The following NCALD variants were observed in gnomAD, a reference collection of about 807,000 sequenced individuals.
The protein encoded by NCALD is neurocalcin-delta.
In NCALD, 10 loss-of-function variants were observed where a neutral mutation model predicts 18.6. That is an observed-to-expected ratio of 0.54 (90% CI 0.33 to 0.91). NCALD has a LOEUF of 0.91. NCALD is among the 40% of genes least tolerant of loss of function. NCALD has a pLI of 0.03. For synonymous variants in NCALD, 88 were observed against 87.4 expected, an observed-to-expected ratio of 1.01 and a Z score of -0.04; for missense variants, 184 against 247.6, an observed-to-expected ratio of 0.74 and a Z score of 1.72.
intron 4 of NCALD, among the ~76,000 whole-genome samples, chr8:101,870,247 T>C (rs1477595762): frequency 1.3e-5 from 2 of 152,166 alleles, no homozygotes; most frequent in African/African-American, 4.8e-5. Context: ...AAAAATGACT[T>C]TTTTCCTTAC....
intron 2 of NCALD, among the ~76,000 whole-genome samples, chr8:102,007,252 T>C (rs1379669653): frequency 5.3e-5 from 8 of 152,260 alleles, no homozygotes; most frequent in African/African-American, 1.9e-4. Context: ...TTATTTGGTC[T>C]ATAAGAAGTT....
At position 101,719,602 on chromosome 8, in the gene NCALD, G is replaced by C; in HGVS notation, c.28C>G (p.Pro10Ala). The change falls in exon 2 of 4, where the codon CCG becomes GCG. Residue 10 changes from proline (P) to alanine (A), a missense_variant. Physicochemically the swap from Pro to Ala is conservative, Grantham distance 27. Coordinates refer to ENST00000220931, the MANE Select transcript of NCALD (RefSeq NM_032041.3). Reference sequence around the variant, plus strand: ...TCCAGCAAGTCCTGCATGACCTCCGGGCGCAGCTTGCTGTTCTGTTTCCCC... The same window carrying C: ...TCCAGCAAGTCCTGCATGACCTCCGCGCGCAGCTTGCTGTTCTGTTTCCCC... MGKQNSKLR[P>A]EVMQDLLEST... The C allele has an allele frequency of 1.9e-6, 3 of 1,597,574 alleles. No individual in the cohort carries two copies. Among genetic ancestry groups the C allele is most frequent in the Middle Eastern group, 1.7e-4 (1 of 5,952 alleles).
At chr8:101,810,927 T>C (rs1813282037) in intron 4 of NCALD, among the ~76,000 whole-genome samples, 1 of 152,196 alleles carries the variant, frequency 6.6e-6, no homozygotes, top group South Asian at 2.1e-4. Context: ...ATTTAAAGCA[T>C]AACTATCCGC....
chr8:101,732,632 C>G (rs1816892161), intron 1 of NCALD, among the ~76,000 whole-genome samples: 1 of 101,440 alleles, frequency 9.9e-6, no homozygotes, highest in African/African-American at 3.7e-5. Flanking sequence ...GAGACAGGGT[C>G]TTGCTCTGTC....
intron 1 of NCALD, among the ~76,000 whole-genome samples, chr8:101,739,610 C>A (rs1397018244): frequency 6.6e-6 from 1 of 151,928 alleles, no homozygotes; most frequent in Non-Finnish European, 1.5e-5. Context: ...GATGAGTCTT[C>A]CGGCTTCCAT....
At chr8:102,066,096 C>T (rs1333846259) in intron 1 of NCALD, among the ~76,000 whole-genome samples, 1 of 152,206 alleles carries the variant, frequency 6.6e-6, no homozygotes, top group African/African-American at 2.4e-5. Flanking sequence ...TTCTTCATTC[C>T]CCACTTCCCC....
In NCALD at chr8:101,902,721, CA is replaced by C. The variant is rs1490139343; in HGVS notation, c.-107+13087del. On this transcript the variant is annotated intron_variant, in intron 3 of 6. Transcript: ENST00000311028. ...GCTCCCTCAAATCCCGGACTGATGC[CA>C]TGGCTTTTTTTACTTTTCTCTCCCC... 2.0e-5 allele frequency among the ~76,000 whole-genome samples: 3 copies of C among 152,320 alleles called. No homozygotes were observed. The East Asian group carries it at 5.8e-4, about 29-fold the overall frequency.
chr8:101,755,535 C>T (rs957755623), intron 1 of NCALD, among the ~76,000 whole-genome samples: 7 of 152,188 alleles, frequency 4.6e-5, no homozygotes, highest in Non-Finnish European at 8.8e-5. Context: ...CTCCACCATT[C>T]ACCCTATCTT....
At chr8:101,848,609 A>T (rs954132147) in intron 4 of NCALD, among the ~76,000 whole-genome samples, 8 of 152,150 alleles carry the variant, frequency 5.3e-5, no homozygotes, top group Non-Finnish European at 7.3e-5. Context: ...TGGTCCTAAG[A>T]TTTTTAATGT....
At position 102,086,316 on chromosome 8, in the gene NCALD, G is replaced by A. The variant is rs368879978; in HGVS notation, c.-210+37921C>T. On this transcript the variant is annotated intron_variant, in intron 1 of 6. Coordinates refer to the NCALD transcript ENST00000311028. ...ACCAGGACAAAAATATCACAATCCAGGTCTGGTGATGTTGGGGTTATTTTG... is the reference window on the plus strand; with the variant it reads ...ACCAGGACAAAAATATCACAATCCAAGTCTGGTGATGTTGGGGTTATTTTG... Among the ~76,000 whole-genome samples, 5 of 152,208 alleles carry A rather than the reference G, an allele frequency of 3.3e-5. No individual in the cohort carries two copies. In the South Asian group the frequency reaches 1.0e-3, roughly 32 times the overall value.
chr8:102,014,368 C>G (rs1209281509), intron 2 of NCALD, among the ~76,000 whole-genome samples: 2 of 152,088 alleles, frequency 1.3e-5, no homozygotes, highest in African/African-American at 4.8e-5. Flanking sequence ...TCATGAGGGC[C>G]CCACTTTCAT....
intron 2 of NCALD, among the ~76,000 whole-genome samples, chr8:101,927,542 A>G (rs1182473105): frequency 6.6e-6 from 1 of 152,170 alleles, no homozygotes. Flanking sequence ...GAGCAATCTA[A>G]GCAGAGGGAA....
intron 1 of NCALD, among the ~76,000 whole-genome samples, chr8:102,040,754 G>A (rs983273743): frequency 6.6e-6 from 1 of 152,166 alleles, no homozygotes; most frequent in African/African-American, 2.4e-5. Context: ...CTACCACTAT[G>A]ATCAGCATTA....
chr8:102,035,399 T>G (rs1463222722), intron 1 of NCALD, among the ~76,000 whole-genome samples: 2 of 152,204 alleles, frequency 1.3e-5, no homozygotes, highest in African/African-American at 4.8e-5. Context: ...TTTAAAAACA[T>G]ATTTTTATCA....
chr8:101,792,378 T>C (rs534560302), upstream of NCALD, among the ~76,000 whole-genome samples: 5 of 152,228 alleles, frequency 3.3e-5, no homozygotes, highest in Non-Finnish European at 7.3e-5. Context: ...CCTTTTCATC[T>C]TCCTTTATTT....
chr8:101,791,483 T>C (rs1013645087), upstream of NCALD, among the ~76,000 whole-genome samples: 10 of 152,038 alleles, frequency 6.6e-5, no homozygotes, highest in African/African-American at 2.4e-4. Context: ...AAAAACTATA[T>C]CAGAGTCTAC....
At chr8:101,887,650 A>C (rs1004453457) in intron 3 of NCALD, among the ~76,000 whole-genome samples, 1 of 150,256 alleles carries the variant, frequency 6.7e-6, no homozygotes, top group Non-Finnish European at 1.5e-5. Flanking sequence ...ACATTATTTA[A>C]ATATATATCA....
chr8:102,069,497 C>G (rs1440698934), intron 1 of NCALD, among the ~76,000 whole-genome samples: 1 of 152,086 alleles, frequency 6.6e-6, no homozygotes, highest in Admixed American at 6.5e-5. Context: ...ATAAAATGTA[C>G]AATTTGAGTC....
intron 1 of NCALD, among the ~76,000 whole-genome samples, chr8:102,023,882 A>G (rs1372980985): frequency 6.6e-6 from 1 of 152,200 alleles, no homozygotes; most frequent in Non-Finnish European, 1.5e-5. Flanking sequence ...CAAATGGGCT[A>G]TTCCAGGCAT....
Sources: allele counts gnomAD v4.1 joint callset (sites outside exome capture counted in the v4.1 genomes callset), GRCh38; gene constraint gnomAD v4.1.1; transcripts MANE v1.5; gene names NCBI Gene and HGNC (gene_info 2026-07-23, HGNC 2026-07-21).